Variants in NRG4 observed in about 807,000 individuals in gnomAD.
NRG4 encodes pro-neuregulin-4, membrane-bound isoform.
In NRG4, 10 loss-of-function variants were observed where a neutral mutation model predicts 15.0. The observed-to-expected ratio is 0.67, with a 90% confidence interval of 0.41 to 1.13. NRG4 has a LOEUF of 1.13. NRG4 is among the 50% of genes most tolerant of loss of function. NRG4 has a pLI of 0.00. For synonymous variants in NRG4, 41 were observed against 50.1 expected (o/e 0.82, Z 0.77); for missense variants, 139 against 140.2 (o/e 0.99, Z 0.04).
chr15:76,034,934 A>T (rs1412981335), intron 5 of NRG4, among the ~76,000 whole-genome samples: 18 of 152,212 alleles, frequency 1.2e-4, no homozygotes. Flanking sequence ...AGTAATTAAT[A>T]CATGCCAATA....
chr15:76,018,913 C>T lies in NRG4; in HGVS notation c.-56-7627G>A, dbSNP rs193288239. Among the ~76,000 whole-genome samples the T allele has an allele frequency of 1.4e-4, 21 of 152,204 alleles. No homozygotes were observed. In the East Asian group the frequency reaches 3.1e-3, roughly 22 times the overall value. ...GGCAGGCAGGGATGTTTAAGTGTGC[C>T]GAAGCTGTGCCCACAGCCACCCCTT... On this transcript the variant is annotated intron_variant, in intron 5 of 8. Coordinates refer to the NRG4 transcript ENST00000563910.
At chr15:76,046,301 A>G (rs1266716965) in intron 4 of NRG4, among the ~76,000 whole-genome samples, 3 of 151,196 alleles carry the variant, frequency 2.0e-5, no homozygotes, top group Non-Finnish European at 4.4e-5. Flanking sequence ...GATTCAATGC[A>G]ATCTCTATCA....
At chr15:76,022,780 G>A (rs968408251) in intron 5 of NRG4, among the ~76,000 whole-genome samples, 1 of 152,106 alleles carries the variant, frequency 6.6e-6, no homozygotes, top group Non-Finnish European at 1.5e-5. Context: ...TTTTAGCAAG[G>A]GAGTGACATG....
chr15:76,034,366 G>A (rs887959082), intron 5 of NRG4, among the ~76,000 whole-genome samples: 6 of 152,184 alleles, frequency 3.9e-5, no homozygotes, highest in African/African-American at 1.4e-4. Flanking sequence ...TCCTTGGCAG[G>A]CAGTAAAGTA....
chr15:76,049,072 T>C (rs2035938412), intron 4 of NRG4, among the ~76,000 whole-genome samples: 1 of 150,244 alleles, frequency 6.7e-6, no homozygotes, highest in Admixed American at 6.6e-5. Context: ...CCAAACAGGA[T>C]ATGTCTGTCA....
intron 5 of NRG4, among the ~76,000 whole-genome samples, chr15:76,021,007 T>A (rs1024086900): frequency 6.6e-6 from 1 of 152,370 alleles, no homozygotes; most frequent in Non-Finnish European, 1.5e-5. Flanking sequence ...GATACCATCT[T>A]GAACTTTTAT....
intron 1 of NRG4, chr15:76,059,634 C>G (rs989223921): frequency 3.9e-5 from 6 of 152,272 alleles, no homozygotes; most frequent in Non-Finnish European, 8.8e-5. Context: ...AGGCCCCGAC[C>G]CTGCCCCGCG....
chr15:76,040,254 A>T (rs1221689532), intron 4 of NRG4, among the ~76,000 whole-genome samples: 2 of 152,200 alleles, frequency 1.3e-5, no homozygotes, highest in African/African-American at 4.8e-5. Context: ...GGCAGGAGAG[A>T]GTGGCATGAT....
At chr15:76,001,050 G>C (rs959319001) in intron 3 of NRG4, among the ~76,000 whole-genome samples, 1 of 152,076 alleles carries the variant, frequency 6.6e-6, no homozygotes, top group African/African-American at 2.4e-5. Flanking sequence ...ACAGTGGCAT[G>C]ATCATGTTCA....
At chr15:75,971,204 A>G (rs2033073332) in intron 3 of NRG4, 1 of 454,886 alleles carries the variant, frequency 2.2e-6, no homozygotes, top group Middle Eastern at 3.3e-4. Flanking sequence ...CCTTTAAGCC[A>G]GTTGTGACAT....
At chr15:75,940,750 C>T (rs2030871315), downstream of NRG4, 1 of 146,504 alleles carries the variant, frequency 6.8e-6, no homozygotes, top group Non-Finnish European at 1.5e-5. Context: ...GTTTTTTCAA[C>T]AAATAATGAT....
At chr15:76,036,423 C>A (rs577390911) in intron 4 of NRG4, among the ~76,000 whole-genome samples, 1 of 152,296 alleles carries the variant, frequency 6.6e-6, no homozygotes, top group Admixed American at 6.5e-5. Context: ...TTCCCAGCAA[C>A]CCTCAACTCA....
intron 4 of NRG4, among the ~76,000 whole-genome samples, chr15:76,042,260 C>T (rs1290915196): frequency 6.6e-6 from 1 of 151,522 alleles, no homozygotes; most frequent in Non-Finnish European, 1.5e-5. Flanking sequence ...CCTAATGAAG[C>T]ATCTAAAAGA....
intron 3 of NRG4, among the ~76,000 whole-genome samples, chr15:75,972,554 T>G (rs1016524117): frequency 9.9e-5 from 15 of 152,256 alleles, no homozygotes; most frequent in African/African-American, 3.6e-4. Flanking sequence ...GTATAAGGTG[T>G]AAGGAAGGGG....
intron 5 of NRG4, among the ~76,000 whole-genome samples, chr15:75,950,220 T>A (rs752779704): frequency 6.6e-6 from 1 of 152,216 alleles, no homozygotes; most frequent in Non-Finnish European, 1.5e-5. Flanking sequence ...CTTAATACAT[T>A]GAGATTCTAT....
intron 1 of NRG4, among the ~76,000 whole-genome samples, chr15:76,057,466 C>G (rs1163933047): frequency 3.9e-5 from 6 of 152,190 alleles, no homozygotes; most frequent in African/African-American, 7.2e-5. Context: ...AGGGCTAATC[C>G]TCCTCCGGTG....
At chr15:75,951,313 G>A (rs796774862) in intron 5 of NRG4, among the ~76,000 whole-genome samples, 7 of 151,622 alleles carry the variant, frequency 4.6e-5, no homozygotes, top group South Asian at 2.1e-4. Flanking sequence ...GATTACAGGC[G>A]CCTGCCACCA....
intron 3 of NRG4, among the ~76,000 whole-genome samples, chr15:75,972,933 T>C (rs557092144): frequency 1.3e-5 from 2 of 152,208 alleles, no homozygotes; most frequent in Non-Finnish European, 2.9e-5. Flanking sequence ...TTGACAGGGA[T>C]AGCATTGAAT....
At chr15:76,036,432 C>G (rs1356600114) in intron 4 of NRG4, among the ~76,000 whole-genome samples, 1 of 152,206 alleles carries the variant, frequency 6.6e-6, no homozygotes, top group Non-Finnish European at 1.5e-5. Context: ...ACCCTCAACT[C>G]ATAGTTTTTT....
Sources: gnomAD v4.1 joint callset for allele counts (sites outside exome capture counted in the v4.1 genomes callset) on GRCh38, gnomAD v4.1.1 for gene constraint, MANE v1.5 for transcripts, NCBI Gene and HGNC (gene_info 2026-07-23, HGNC 2026-07-21) for gene names.